Variants in ANKS1B observed in about 807,000 individuals in gnomAD.
ANKS1B encodes the protein ankyrin repeat and sterile alpha motif domain containing 1B, also known as ankyrin repeat and sterile alpha motif domain-containing protein 1B.
ANKS1B carries 36 observed loss-of-function variants against 148.3 expected under a neutral mutation model. The ratio of observed to expected loss-of-function variants is 0.24; its 90% CI spans 0.19 to 0.32. The LOEUF (loss-of-function observed/expected upper bound fraction) is 0.32, where lower values mean the gene tolerates loss of function less well. Among genes scored for constraint, ANKS1B ranks in the 10% least tolerant of loss-of-function variants. The pLI is 1.00. For missense variants in ANKS1B, 1,157 were observed against 1,542.6 expected (o/e 0.75, Z 4.19); for synonymous variants, 542 against 560.8 (o/e 0.97, Z 0.47).
At position 98,744,476 on chromosome 12, in the gene ANKS1B, A is replaced by AT. The variant is rs1227916569; in HGVS notation, c.*1262dup. 1.8e-5 allele frequency: 12 copies of AT among 666,286 alleles called. No individual in the cohort carries two copies. The Admixed American group carries it at 2.5e-4, about 14-fold the overall frequency. The allele number at this position is 666,286 out of a possible 1,614,324, so 41.3% of individuals were successfully genotyped here. A position where few individuals can be genotyped will look rare whatever the true frequency, so the allele number is the denominator to read the frequency against. Reference sequence around the variant, plus strand: ...TTAGAACAATATACATTAAAATGTTATTTTTTTCTATAATGATATTGGTAC... The same window carrying AT: ...TTAGAACAATATACATTAAAATGTTATTTTTTTTCTATAATGATATTGGTAC... On this transcript the variant is annotated 3_prime_UTR_variant, in exon 27 of 27. Coordinates refer to ENST00000683438, the MANE Select transcript of ANKS1B (RefSeq NM_001352186.2).
intron 1 of ANKS1B, among the ~76,000 whole-genome samples, chr12:99,930,485 T>A (rs1405372477): frequency 6.6e-6 from 1 of 152,186 alleles, no homozygotes; most frequent in Non-Finnish European, 1.5e-5. Flanking sequence ...TCGAATATCC[T>A]CTATTTCCTT....
intron 11 of ANKS1B, among the ~76,000 whole-genome samples, chr12:99,425,867 C>G (rs1232831527): frequency 6.7e-6 from 1 of 148,586 alleles, no homozygotes; most frequent in African/African-American, 2.4e-5. Flanking sequence ...TACTTGTTTT[C>G]TATTTTAATA....
intron 17 of ANKS1B, among the ~76,000 whole-genome samples, chr12:98,920,949 C>T (rs1051278909): frequency 6.6e-6 from 1 of 152,148 alleles, no homozygotes; most frequent in Non-Finnish European, 1.5e-5. Flanking sequence ...CAAGTTAATA[C>T]AAATTTCAAT....
At chr12:99,549,144 T>G (rs1166812351) in intron 9 of ANKS1B, among the ~76,000 whole-genome samples, 1 of 152,160 alleles carries the variant, frequency 6.6e-6, no homozygotes, top group Non-Finnish European at 1.5e-5. Flanking sequence ...ATACAATAGT[T>G]AGAGAGCATC....
At chr12:99,079,949 T>G (rs2049095621) in intron 16 of ANKS1B, 1 of 152,218 alleles carries the variant, frequency 6.6e-6, no homozygotes, top group Non-Finnish European at 1.5e-5. Flanking sequence ...CCCATGAATT[T>G]GCACAGGCAA....
chr12:98,781,458 T>C (rs537301357), intron 23 of ANKS1B: 22 of 577,640 alleles, frequency 3.8e-5, no homozygotes, highest in South Asian at 3.4e-4. Context: ...AAAAAGAGTT[T>C]GTTCCGCTAC....
chr12:99,367,350 C>G (rs1408026754), intron 12 of ANKS1B, among the ~76,000 whole-genome samples: 1 of 152,100 alleles, frequency 6.6e-6, no homozygotes, highest in Non-Finnish European at 1.5e-5. Context: ...CAAATGAATG[C>G]TATTCTGAGA....
At chr12:98,818,679 C>T (rs991014450) in intron 19 of ANKS1B, among the ~76,000 whole-genome samples, 4 of 152,046 alleles carry the variant, frequency 2.6e-5, no homozygotes, top group Middle Eastern at 3.2e-3. Context: ...ACATGAATGG[C>T]TGAAAAAAAC....
At position 98,751,703 on chromosome 12, in the gene ANKS1B, A is replaced by G. The variant is rs1364256021; in HGVS notation, c.3580-181T>C. ...ACTCCGGGTCCAACTTAGGGTTTACACCAGGCTTTAGTCATTTGTGAAAAG... is the reference window on the plus strand; with the variant it reads ...ACTCCGGGTCCAACTTAGGGTTTACGCCAGGCTTTAGTCATTTGTGAAAAG... On this transcript the variant is annotated intron_variant, in intron 25 of 26. Coordinates refer to ENST00000683438, the MANE Select transcript of ANKS1B (RefSeq NM_001352186.2). The surrounding 1 kb of genome is among the most constrained non-coding windows in gnomAD (Gnocchi z 4.3). Among the ~76,000 whole-genome samples the G allele has an allele frequency of 1.3e-5, 2 of 152,202 alleles. No individual in the cohort carries two copies. The highest frequency in any genetic ancestry group is 1.3e-4 in the Admixed American group (2 of 15,274).
chr12:98,838,811 T>C (rs1045640774), intron 17 of ANKS1B, among the ~76,000 whole-genome samples: 8 of 152,210 alleles, frequency 5.3e-5, no homozygotes, highest in Non-Finnish European at 1.0e-4. Context: ...TGTTCCTAAA[T>C]GCCAAGAATG....
In ANKS1B at chr12:99,420,854, T is replaced by A. The variant is rs138222103; in HGVS notation, c.1576-21043A>T. ...TAAAACTCCTTTCTTCATCTTCATA[T>A]CAATGAAAAAATTGGTATCCTCAAT... On this transcript the variant is annotated intron_variant, in intron 11 of 26. Transcript: ENST00000683438. Among the ~76,000 whole-genome samples, 36 of 152,318 alleles carry A rather than the reference T, an allele frequency of 2.4e-4. No homozygotes were observed. The East Asian group carries it at 6.2e-3, about 26-fold the overall frequency.
chr12:99,184,576 G>C (rs1482825544), intron 14 of ANKS1B, among the ~76,000 whole-genome samples: 1 of 152,154 alleles, frequency 6.6e-6, no homozygotes, highest in Non-Finnish European at 1.5e-5. Flanking sequence ...AATAATGCCT[G>C]TTTTGTCTAT....
chr12:99,772,461 A>G (rs7979049), intron 8 of ANKS1B, among the ~76,000 whole-genome samples: 27,521 of 152,050 alleles, frequency 0.18, 2,989 homozygotes, highest in East Asian at 0.49. Flanking sequence ...ATAATATTAT[A>G]AAAATATGCA....
At chr12:99,750,576 A>T (rs985322786) in intron 8 of ANKS1B, among the ~76,000 whole-genome samples, 1 of 152,102 alleles carries the variant, frequency 6.6e-6, no homozygotes, top group Non-Finnish European at 1.5e-5. Context: ...TAGCTAAACC[A>T]TATTTCCTAG....
At position 99,877,265 on chromosome 12, in the gene ANKS1B, T is replaced by C. The variant is rs978579374; in HGVS notation, c.135-51876A>G. Among the ~76,000 whole-genome samples the C allele has an allele frequency of 1.8e-4, 27 of 152,360 alleles. 1 individual carries two copies. The highest frequency in any genetic ancestry group is 6.0e-4 in the African/African-American group (25 of 41,582). On this transcript the variant is annotated intron_variant, in intron 1 of 26. Coordinates refer to ENST00000683438, the MANE Select transcript of ANKS1B (RefSeq NM_001352186.2). ...TAATGTTGATTTGCATGTACTTGATTGTTCTCTTCTACTCTCTGGTTTAAT... is the reference window on the plus strand; with the variant it reads ...TAATGTTGATTTGCATGTACTTGATCGTTCTCTTCTACTCTCTGGTTTAAT...
At chr12:99,714,040 G>A (rs2056978937) in intron 8 of ANKS1B, among the ~76,000 whole-genome samples, 1 of 152,158 alleles carries the variant, frequency 6.6e-6, no homozygotes, top group Non-Finnish European at 1.5e-5. Flanking sequence ...ACATTTATGA[G>A]TCTTACATGA....
At chr12:99,782,495 G>A (rs2064451120) in intron 4 of ANKS1B, among the ~76,000 whole-genome samples, 1 of 152,168 alleles carries the variant, frequency 6.6e-6, no homozygotes, top group Non-Finnish European at 1.5e-5. Flanking sequence ...GGAAGCAGAG[G>A]TTGCAGTGAG....
At chr12:99,055,283 G>A (rs1449945120) in intron 16 of ANKS1B, among the ~76,000 whole-genome samples, 1 of 152,184 alleles carries the variant, frequency 6.6e-6, no homozygotes, top group Non-Finnish European at 1.5e-5. Context: ...CATGAAATAA[G>A]AAAGAAAGGG....
chr12:99,431,840 T>G (rs1027181488), intron 11 of ANKS1B, among the ~76,000 whole-genome samples: 4 of 152,184 alleles, frequency 2.6e-5, no homozygotes, highest in African/African-American at 9.6e-5. Context: ...ATGGCTTAGT[T>G]TGTCCCCACC....
Sources: gnomAD v4.1 joint callset for allele counts (sites outside exome capture counted in the v4.1 genomes callset) on GRCh38, gnomAD v4.1.1 for gene constraint, Gnocchi (gnomAD v3.1) non-coding constraint, MANE v1.5 for transcripts, NCBI Gene and HGNC (gene_info 2026-07-23, HGNC 2026-07-21) for gene names.